PSMD1: variants seen among roughly 807,000 people sequenced by gnomAD.
The protein encoded by PSMD1 is 26S proteasome non-ATPase regulatory subunit 1.
A neutral mutation model predicts 119.0 loss-of-function variants in PSMD1; 18 were observed. The observed-to-expected ratio is 0.15, with a 90% CI of 0.10 to 0.22. The LOEUF is 0.22. PSMD1 is among the 10% of genes least tolerant of loss of function. The pLI, the probability that PSMD1 is intolerant of heterozygous loss-of-function variation, is 1.00. For synonymous variants in PSMD1, 374 were observed against 396.6 expected (o/e 0.94, Z 0.68); for missense variants, 702 against 1,158.5 (o/e 0.61, Z 5.72).
At chr2:231,060,346 T>C (rs1368378997) in intron 1 of PSMD1, 1 of 152,242 alleles carries the variant, frequency 6.6e-6, no homozygotes, top group Non-Finnish European at 1.5e-5. Context: ...CCTATACTTG[T>C]CAATTAGAAA....
At chr2:231,091,829 T>C (rs1367257366) in intron 16 of PSMD1, among the ~76,000 whole-genome samples, 1 of 152,170 alleles carries the variant, frequency 6.6e-6, no homozygotes, top group Non-Finnish European at 1.5e-5. Flanking sequence ...TCATCCCAAC[T>C]ATGTATTGGT....
intron 5 of PSMD1, among the ~76,000 whole-genome samples, 175 bp downstream of exon 5, chr2:231,067,286 G>T (rs1406238969): frequency 1.3e-5 from 2 of 152,174 alleles, no homozygotes; most frequent in South Asian, 2.1e-4. Flanking sequence ...TGTGTTTTGT[G>T]TTCATGAAAT....
At chr2:231,067,712 G>A (rs1398648760) in intron 5 of PSMD1, among the ~76,000 whole-genome samples, 8 of 151,588 alleles carry the variant, frequency 5.3e-5, no homozygotes, top group East Asian at 1.9e-4. Flanking sequence ...GCTGGAGTGC[G>A]GTGGCGCAAT....
chr2:231,073,124 G>A (rs891749579), intron 7 of PSMD1, among the ~76,000 whole-genome samples: 4 of 152,216 alleles, frequency 2.6e-5, no homozygotes, highest in East Asian at 1.9e-4. Flanking sequence ...GGGAATGACC[G>A]GTGTGTGGAG....
chr2:231,123,380 G>A, intron 16 of PSMD1: 1 of 1,430,986 alleles, frequency 7.0e-7, no homozygotes, highest in Non-Finnish European at 9.9e-7. Flanking sequence ...ATAGTTCTGT[G>A]GTTTGATGGC....
At chr2:231,116,244 G>A (rs1464371782) in intron 16 of PSMD1, among the ~76,000 whole-genome samples, 1 of 151,998 alleles carries the variant, frequency 6.6e-6, no homozygotes, top group Non-Finnish European at 1.5e-5. Context: ...AGTTTGCAGT[G>A]GAAACTACTA....
rs1490756926 is a variant in PSMD1 at position 231,062,671 on chromosome 2, T to G, written c.300T>G (p.Ile100Met). 1 of 1,590,648 alleles carries G rather than the reference T, an allele frequency of 6.3e-7. No individual in the cohort carries two copies. Among genetic ancestry groups the G allele is most frequent in the South Asian group, 1.2e-5 (1 of 86,684 alleles). ...VNDNSEYVET[I>M]IAKCIDHYTK... ...ATAACTCTGAATATGTGGAAACTAT[T>G]ATAGGTAATTATCGTCTATCTGGTA... is the stretch of plus-strand genomic sequence containing the variant. The change falls in exon 4 of 25, where the codon ATT becomes ATG. Residue 100 changes from isoleucine (I) to methionine (M), a missense_variant. This residue lies in a region of PSMD1 where 50 missense variants were observed against 41.8 expected (regional missense o/e 1.20). Coordinates refer to ENST00000308696, the MANE Select transcript of PSMD1 (RefSeq NM_002807.4).
At chr2:231,057,932 C>T (rs1306787329) in intron 1 of PSMD1, among the ~76,000 whole-genome samples, 1 of 152,164 alleles carries the variant, frequency 6.6e-6, no homozygotes, top group Admixed American at 6.5e-5. Context: ...GTTTGACCCA[C>T]AAAGAAAGCA....
At chr2:231,129,816 T>G (rs1368147406) in intron 16 of PSMD1, among the ~76,000 whole-genome samples, 1 of 152,188 alleles carries the variant, frequency 6.6e-6, no homozygotes, top group African/African-American at 2.4e-5. Context: ...AAAAGCATAA[T>G]ATATTTCCCC....
At position 231,166,510 on chromosome 2, in the gene PSMD1, T is replaced by C. The variant is rs576858450; in HGVS notation, c.2715+493T>C. Among the ~76,000 whole-genome samples, 7 of 144,246 alleles carry C rather than the reference T, an allele frequency of 4.9e-5. No individual in the cohort carries two copies. The South Asian group carries it at 1.5e-3, about 30-fold the overall frequency. The allele number at this position is 144,246 out of a possible 152,430, so 94.6% of individuals were successfully genotyped here. A position where few individuals can be genotyped will look rare whatever the true frequency, so the allele number is the denominator to read the frequency against. On this transcript the variant is annotated intron_variant, in intron 23 of 24. Transcript: ENST00000308696. ...TACTATGGTAATTACACCGTTGTCT[T>C]TTTTTTTTTTCTATTTCATTACACC...
chr2:231,165,034 T>TTATATATATATATATATATA (rs66656378), intron 21 of PSMD1, 166 bp from the exon 22 acceptor site: 6 of 21,832 alleles, frequency 2.7e-4, no homozygotes, highest in Admixed American at 6.4e-4. Flanking sequence ...TTATATATAT[T>TTATATATATATATATATATA]TATATATATA....
chr2:231,078,786 T>C, intron 10 of PSMD1, 39 bp downstream of exon 10: 1 of 1,183,454 alleles, frequency 8.4e-7, no homozygotes, highest in Non-Finnish European at 1.2e-6. Context: ...GTTCAAAATC[T>C]TTTTCTTTTT....
intron 6 of PSMD1, 88 bp downstream of exon 6, chr2:231,070,256 C>CTT: frequency 9.3e-7 from 1 of 1,074,572 alleles, no homozygotes; most frequent in Non-Finnish European, 1.2e-6. Context: ...CTTTATATTA[C>CTT]TATAATGGCT....
At chr2:231,102,586 G>A (rs1467057004) in intron 16 of PSMD1, among the ~76,000 whole-genome samples, 1 of 152,136 alleles carries the variant, frequency 6.6e-6, no homozygotes, top group Non-Finnish European at 1.5e-5. Context: ...ATAAGGAAGA[G>A]AAAACACTCG....
At chr2:231,106,486 C>T (rs774322769) in intron 16 of PSMD1, among the ~76,000 whole-genome samples, 4 of 151,936 alleles carry the variant, frequency 2.6e-5, no homozygotes, top group Non-Finnish European at 4.4e-5. Context: ...GGTGTGGGGG[C>T]GGGCACCTGT....
intron 23 of PSMD1, among the ~76,000 whole-genome samples, chr2:231,168,709 G>T (rs886669937): frequency 1.3e-5 from 2 of 152,206 alleles, no homozygotes; most frequent in African/African-American, 2.4e-5. Flanking sequence ...AGATATTTTT[G>T]AATTAGATAG....
chr2:231,139,871 T>A (rs1289091527), intron 17 of PSMD1, among the ~76,000 whole-genome samples: 2 of 152,196 alleles, frequency 1.3e-5, no homozygotes, highest in East Asian at 3.8e-4. Flanking sequence ...TTTGAAAACA[T>A]AATTCATCAT....
chr2:231,097,863 G>T (rs1694761880), intron 16 of PSMD1, among the ~76,000 whole-genome samples: 1 of 152,122 alleles, frequency 6.6e-6, no homozygotes, highest in South Asian at 2.1e-4. Context: ...AAGCACAAGT[G>T]CACTCCAGTT....
rs375425437 is a variant in PSMD1, at chr2:231,156,597, T to C, written c.2218+2931T>C. Among the ~76,000 whole-genome samples, 16 of 152,306 alleles carry C rather than the reference T, an allele frequency of 1.1e-4. 1 individual carries two copies. The East Asian group carries it at 2.1e-3, about 20-fold the overall frequency. The stretch of plus-strand genomic sequence containing the variant: ...TAAAGTTTTGAATTTATTGAAAGTT[T>C]TTTTATAATATCCTCTTACTTTTTC... On this transcript the variant is annotated intron_variant, in intron 19 of 24. Coordinates refer to ENST00000308696, the MANE Select transcript of PSMD1 (RefSeq NM_002807.4).
Sources: allele counts gnomAD v4.1 joint callset (sites outside exome capture counted in the v4.1 genomes callset), GRCh38; gene constraint gnomAD v4.1.1; regional missense constraint gnomAD v4.1.1; transcripts MANE v1.5; gene names NCBI Gene and HGNC (gene_info 2026-07-23, HGNC 2026-07-21).